Variants in AMBRA1 observed in about 807,000 individuals in gnomAD.
AMBRA1 encodes activating molecule in BECN1-regulated autophagy protein 1.
A neutral mutation model predicts 125.4 loss-of-function variants in AMBRA1; 47 were observed. The observed-to-expected ratio is 0.37, with a 90% CI of 0.30 to 0.48. AMBRA1 has a LOEUF of 0.48. Among genes scored for constraint, AMBRA1 ranks in the 20% least tolerant of loss-of-function variants. AMBRA1 has a pLI of 0.99. For missense variants in AMBRA1, 1,331 were observed against 1,693.4 expected, an observed-to-expected ratio of 0.79 and a Z score of 3.76; for synonymous variants, 626 against 655.5, an observed-to-expected ratio of 0.95 and a Z score of 0.69.
intron 8 of AMBRA1, among the ~76,000 whole-genome samples, chr11:46,509,175 T>G (rs1319074087): frequency 1.3e-5 from 2 of 152,278 alleles, no homozygotes; most frequent in Non-Finnish European, 1.5e-5. Flanking sequence ...TGGCTATTCC[T>G]GTAAATAATT....
intron 11 of AMBRA1, among the ~76,000 whole-genome samples, chr11:46,487,051 A>G (rs891286974): frequency 6.6e-6 from 1 of 152,078 alleles, no homozygotes; most frequent in Non-Finnish European, 1.5e-5. Flanking sequence ...TGAGCCTAGG[A>G]GTTAGAGACT....
intron 11 of AMBRA1, among the ~76,000 whole-genome samples, chr11:46,477,037 G>A (rs975844125): frequency 1.1e-4 from 17 of 151,816 alleles, no homozygotes; most frequent in African/African-American, 3.9e-4. Flanking sequence ...CTTGAACCTG[G>A]GAGACAGAGG....
chr11:46,425,310 TTGTGTG>T lies in AMBRA1; in HGVS notation c.2977-7264_2977-7259del, dbSNP rs34321655. 3.8e-3 allele frequency among the ~76,000 whole-genome samples: 519 copies of T among 135,576 alleles called. 3 individuals are homozygous for T. Among genetic ancestry groups the T allele is most frequent in the African/African-American group, 5.5e-3 (183 of 33,382 alleles). 88.9% of individuals were successfully genotyped at this position (135,576 alleles called of 152,430 possible). On this transcript the variant is annotated intron_variant, in intron 14 of 17. Coordinates refer to ENST00000683756, the MANE Select transcript of AMBRA1 (RefSeq NM_001387011.1). ...CTTCTGTATCTTTTGCTTGATCCAT[TTGTGTG>T]TGTGTGTGTGTGTGTGTGTGTGTGT...
In AMBRA1 at chr11:46,542,341, T is replaced by G. The variant is rs146529357; in HGVS notation, c.1676A>C (p.Asn559Thr). 4.6e-5 allele frequency: 75 copies of G among 1,614,020 alleles called. No individual in the cohort carries two copies. Among genetic ancestry groups the G allele is most frequent in the Middle Eastern group, 1.6e-4 (1 of 6,084 alleles). The change falls in exon 7 of 18, where the codon AAC (asparagine) becomes ACC (threonine). Residue 559 changes from asparagine to threonine, a missense_variant. Around this residue, in one of 4 missense-constraint regions of AMBRA1, gnomAD observed 689 missense variants for 776.5 expected, o/e 0.89. Coordinates refer to ENST00000683756, the MANE Select transcript of AMBRA1 (RefSeq NM_001387011.1). This position sits in a 1 kb window ranked among gnomAD's most constrained non-coding sequence, Gnocchi z 5.9. ...GCGATTCAGGTGGCCACGGGACAGG[T>G]TGGAGTTGTTCTCACTGCTGTGTGG... ...PTPHSSENNS[N>T]LSRGHLNRCR...
chr11:46,579,242 G>C (rs899226594), intron 1 of AMBRA1, among the ~76,000 whole-genome samples: 1 of 152,132 alleles, frequency 6.6e-6, no homozygotes, highest in Non-Finnish European at 1.5e-5. Context: ...AGTATCACCT[G>C]AGGTCAGGAG....
rs137890582 is a variant in AMBRA1 at position 46,397,603 on chromosome 11, C to A, written c.3744G>T (p.Leu1248=). ...TPGREPTQPT[L]PSSSPVPIPV... ...GAATGGGGACAGGGGAGGAAGAGGGCAGGGTTGGCTGGGTTGGCTCCCGCC... is the reference window on the plus strand; with the variant it reads ...GAATGGGGACAGGGGAGGAAGAGGGAAGGGTTGGCTGGGTTGGCTCCCGCC... Residue 1248 remains leucine (L), a synonymous_variant, in exon 18 of 18, where the codon CTG becomes CTT. Coordinates refer to ENST00000683756, the MANE Select transcript of AMBRA1 (RefSeq NM_001387011.1). The A allele has an allele frequency of 2.3e-3, 3,710 of 1,607,616 alleles. 9 individuals are homozygous for A. Among genetic ancestry groups the A allele is most frequent in the Non-Finnish European group, 3.0e-3 (3,495 of 1,176,112 alleles).
Position 46,488,948 on chromosome 11 carries a change from G to A in AMBRA1, c.2521+4660C>T, listed in dbSNP as rs371949641. On this transcript the variant is annotated intron_variant, in intron 11 of 17. Transcript: ENST00000683756. Reference sequence around the variant, plus strand: ...TTTTGAGACGGAGTCTTGCTCTGTCGCCCAAGTGCGGGGGCGAGATCTTGG... The same window carrying A: ...TTTTGAGACGGAGTCTTGCTCTGTCACCCAAGTGCGGGGGCGAGATCTTGG... Among the ~76,000 whole-genome samples, 3 of 152,104 alleles carry A rather than the reference G, an allele frequency of 2.0e-5. No individual in the cohort carries two copies. In the East Asian group the frequency reaches 5.8e-4, roughly 29 times the overall value.
chr11:46,446,440 G>C (rs563131761), intron 11 of AMBRA1, among the ~76,000 whole-genome samples: 25 of 152,272 alleles, frequency 1.6e-4, no homozygotes, highest in Non-Finnish European at 2.8e-4. Context: ...ATTTACATAC[G>C]AGGCACTTAG....
chr11:46,567,302 C>G (rs1054760163), intron 1 of AMBRA1, among the ~76,000 whole-genome samples: 6 of 152,116 alleles, frequency 3.9e-5, no homozygotes, highest in Admixed American at 1.3e-4. Context: ...GAACTCCTGA[C>G]CTCTGGAGAT....
intron 1 of AMBRA1, among the ~76,000 whole-genome samples, chr11:46,556,784 T>G (rs1013456363): frequency 7.2e-5 from 11 of 152,140 alleles, no homozygotes; most frequent in Admixed American, 7.2e-4. Flanking sequence ...ATATTTACCA[T>G]ATGAAAAATG....
At chr11:46,419,826 G>C (rs1400001826) in intron 14 of AMBRA1, among the ~76,000 whole-genome samples, 1 of 152,018 alleles carries the variant, frequency 6.6e-6, no homozygotes, top group African/African-American at 2.4e-5. Context: ...AGGGAGGAAG[G>C]CAGGGAGGGA....
chr11:46,409,487 C>T (rs756664122), intron 16 of AMBRA1, among the ~76,000 whole-genome samples: 5 of 152,164 alleles, frequency 3.3e-5, no homozygotes, highest in Non-Finnish European at 4.4e-5. Flanking sequence ...CATGAGCCAC[C>T]GCGCCCATCC....
At chr11:46,544,638 G>A (rs1446162320) in intron 5 of AMBRA1, among the ~76,000 whole-genome samples, 1 of 151,966 alleles carries the variant, frequency 6.6e-6, no homozygotes, top group Non-Finnish European at 1.5e-5. Context: ...AACCCACCAA[G>A]GTATCTAAAA....
chr11:46,422,526 A>C (rs1442577969), intron 14 of AMBRA1, among the ~76,000 whole-genome samples: 1 of 152,142 alleles, frequency 6.6e-6, no homozygotes, highest in African/African-American at 2.4e-5. Context: ...AACAGTTCTC[A>C]GATCAAAACT....
chr11:46,553,306 T>C (rs558803695), intron 1 of AMBRA1, among the ~76,000 whole-genome samples: 100 of 152,308 alleles, frequency 6.6e-4, no homozygotes, highest in African/African-American at 2.3e-3. Context: ...AATTGGCTCT[T>C]TACATTTCAC....
chr11:46,426,889 G>C (rs1408940196), intron 14 of AMBRA1, among the ~76,000 whole-genome samples: 3 of 152,128 alleles, frequency 2.0e-5, no homozygotes, highest in African/African-American at 7.2e-5. Context: ...TGAAGAAATA[G>C]TACCCTTCCA....
chr11:46,439,308 CT>C (rs1947885408), intron 12 of AMBRA1, among the ~76,000 whole-genome samples: 1 of 152,070 alleles, frequency 6.6e-6, no homozygotes. Context: ...AACATAAAAC[CT>C]CAAAGATTAA....
chr11:46,457,104 G>C (rs1292670908), intron 11 of AMBRA1, among the ~76,000 whole-genome samples: 1 of 152,220 alleles, frequency 6.6e-6, no homozygotes, highest in East Asian at 1.9e-4. Flanking sequence ...GTACATTTCA[G>C]GGTACAGCAT....
intron 11 of AMBRA1, among the ~76,000 whole-genome samples, chr11:46,444,566 G>T (rs1265394890): frequency 6.6e-6 from 1 of 152,070 alleles, no homozygotes; most frequent in African/African-American, 2.4e-5. Context: ...AACCTAAATG[G>T]TATTCTCAGC....
Sources: gnomAD v4.1 joint callset for allele counts (sites outside exome capture counted in the v4.1 genomes callset) on GRCh38, gnomAD v4.1.1 for gene constraint, gnomAD v4.1.1 regional missense constraint, Gnocchi (gnomAD v3.1) non-coding constraint, MANE v1.5 for transcripts, NCBI Gene and HGNC (gene_info 2026-07-23, HGNC 2026-07-21) for gene names.